Variants in GSAP observed in about 807,000 individuals in gnomAD.
GSAP encodes the protein gamma-secretase-activating protein.
Under a neutral mutation model 131.7 loss-of-function variants are expected in GSAP, and 118 were observed. That is an observed-to-expected ratio of 0.90 (90% CI 0.77 to 1.04). The LOEUF is 1.04. GSAP is among the 50% of genes least tolerant of loss of function. The probability of loss-of-function intolerance (pLI) is 0.00; values close to 1 mark genes in which losing one functional copy is unlikely to be tolerated. For missense variants in GSAP, 1,019 were observed against 1,013.2 expected (o/e 1.01, Z -0.08); for synonymous variants, 381 against 363.4 (o/e 1.05, Z -0.55).
intron 12 of GSAP, among the ~76,000 whole-genome samples, chr7:77,373,043 T>C (rs563178076): frequency 3.1e-4 from 47 of 152,198 alleles, no homozygotes; most frequent in South Asian, 6.2e-4. Flanking sequence ...GGGGGCCATT[T>C]TCAGGACTAA....
Position 77,333,285 on chromosome 7 carries a change from C to G in GSAP, c.1546-2918G>C, listed in dbSNP as rs1040208157. Among the ~76,000 whole-genome samples the G allele has an allele frequency of 5.3e-5, 8 of 152,134 alleles. No homozygotes were observed. In the East Asian group the frequency reaches 1.5e-3, roughly 29 times the overall value. On this transcript the variant is annotated intron_variant, in intron 19 of 30. Transcript: ENST00000257626. ...CAGTGAAGGACAAGGAAAGGATATT[C>G]CAGGTGGGACTCTTTGGGTGTGAGC...
chr7:77,389,205 T>G (rs1404831391), intron 5 of GSAP, among the ~76,000 whole-genome samples: 1 of 151,922 alleles, frequency 6.6e-6, no homozygotes, highest in African/African-American at 2.4e-5. Flanking sequence ...GAACTGACAT[T>G]TTTTTGACCT....
chr7:77,366,678 T>C (rs1795370355), intron 12 of GSAP, among the ~76,000 whole-genome samples: 1 of 152,188 alleles, frequency 6.6e-6, no homozygotes. Flanking sequence ...ATCTCCAGCT[T>C]TGTTCTTTTT....
chr7:77,352,716 A>C (rs1222273759), intron 18 of GSAP, among the ~76,000 whole-genome samples: 1 of 152,222 alleles, frequency 6.6e-6, no homozygotes, highest in Non-Finnish European at 1.5e-5. Context: ...AGAATAATAA[A>C]TACCCTGTGT....
At chr7:77,376,823 T>C in intron 10 of GSAP, 25 bp downstream of exon 10, 5 of 1,157,038 alleles carry the variant, frequency 4.3e-6, no homozygotes, top group Non-Finnish European at 6.3e-6. Flanking sequence ...AACTTTCCTG[T>C]AGTGTGATCA....
At position 77,416,199 on chromosome 7, in the gene GSAP, C is replaced by T; in HGVS notation, c.109+14G>A. On this transcript the variant is annotated intron_variant, in intron 1 of 30. Coordinates refer to ENST00000257626, the MANE Select transcript of GSAP (RefSeq NM_017439.4). Reference sequence around the variant, plus strand: ...TCCCCGCCCCCACCCCTCTCCGCAGCGCGCCTCCCGCACCTGCGCCGCCGC... The same window carrying T: ...TCCCCGCCCCCACCCCTCTCCGCAGTGCGCCTCCCGCACCTGCGCCGCCGC... 7.3e-7 allele frequency: 1 copy of T among 1,362,702 alleles called. No individual in the cohort carries two copies. Among genetic ancestry groups the T allele is most frequent in the Non-Finnish European group, 9.7e-7 (1 of 1,035,520 alleles). 84.4% of individuals were successfully genotyped at this position (1,362,702 alleles called of 1,614,324 possible).
At position 77,369,392 on chromosome 7, in the gene GSAP, C is replaced by G. The variant is rs987042778; in HGVS notation, c.871+4678G>C. 1.3e-5 allele frequency among the ~76,000 whole-genome samples: 2 copies of G among 152,312 alleles called. 1 individual carries two copies. On this transcript the variant is annotated intron_variant, in intron 12 of 30. Transcript: ENST00000257626. ...CAGTGGCAGCAGCACTTTTGCCCAC[C>G]ACCAATCTCATGAGCACGCCCATCC...
Position 77,374,068 on chromosome 7 carries a change from A to T in GSAP, c.871+2T>A. The T allele has an allele frequency of 6.7e-7, 1 of 1,486,544 alleles. No individual in the cohort carries two copies. The highest frequency in any genetic ancestry group is 9.4e-7 in the Non-Finnish European group (1 of 1,069,434). 92.1% of individuals were successfully genotyped at this position (1,486,544 alleles called of 1,614,324 possible). ...AAATTGATAAATACAACCCTAGTTT[A>T]CCTGTATGGTTGGTAAAAACACACA... On this transcript the variant is annotated splice_donor_variant, in intron 12 of 30. Transcript: ENST00000257626. LOFTEE classifies it high-confidence loss of function.
At chr7:77,342,382 C>A (rs1235028648) in intron 19 of GSAP, among the ~76,000 whole-genome samples, 1 of 152,198 alleles carries the variant, frequency 6.6e-6, no homozygotes, top group Non-Finnish European at 1.5e-5. Context: ...TCCCCCAACT[C>A]TGGTGCCAAC....
chr7:77,325,002 G>A (rs1788135516), intron 23 of GSAP, among the ~76,000 whole-genome samples: 1 of 151,942 alleles, frequency 6.6e-6, no homozygotes, highest in Non-Finnish European at 1.5e-5. Context: ...TTTTAGTAGA[G>A]ACGGTGTTTC....
At chr7:77,320,244 A>G (rs1787445030) in intron 26 of GSAP, among the ~76,000 whole-genome samples, 1 of 152,214 alleles carries the variant, frequency 6.6e-6, no homozygotes. Flanking sequence ...CAAATGACCA[A>G]TTAAATGAAT....
chr7:77,352,770 C>T (rs1793068330), intron 18 of GSAP, among the ~76,000 whole-genome samples, 174 bp downstream of exon 18: 1 of 147,116 alleles, frequency 6.8e-6, no homozygotes, highest in South Asian at 2.3e-4. Flanking sequence ...ATACTTTTGG[C>T]CAATAGCAGG....
chr7:77,325,619 G>A (rs1053602985), intron 23 of GSAP, among the ~76,000 whole-genome samples: 1 of 152,192 alleles, frequency 6.6e-6, no homozygotes, highest in Non-Finnish European at 1.5e-5. Context: ...CGCCCAGGAT[G>A]GAGGGCAGTG....
chr7:77,394,763 G>A (rs755687377), intron 5 of GSAP, among the ~76,000 whole-genome samples: 1 of 152,152 alleles, frequency 6.6e-6, no homozygotes, highest in Non-Finnish European at 1.5e-5. Context: ...TGCCACCATT[G>A]GTCATGGGTT....
chr7:77,406,002 C>A, intron 2 of GSAP, 27 bp downstream of exon 2: 3 of 809,972 alleles, frequency 3.7e-6, no homozygotes, highest in Non-Finnish European at 5.3e-6. Context: ...TTACATCTTA[C>A]CACAATAAAA....
chr7:77,375,858 AC>A (rs369895334), intron 10 of GSAP, among the ~76,000 whole-genome samples: 1,593 of 144,388 alleles, frequency 0.011, 30 homozygotes, highest in African/African-American at 0.039. Flanking sequence ...AAAAAAAAAA[AC>A]AAACAAAAAA....
Position 77,326,305 on chromosome 7 carries a change from G to A in GSAP, c.1766-32C>T, listed in dbSNP as rs773383470. On this transcript the variant is annotated intron_variant, in intron 22 of 30. Coordinates refer to ENST00000257626, the MANE Select transcript of GSAP (RefSeq NM_017439.4). The stretch of plus-strand genomic sequence containing the variant: ...TGAAACAGAGCAATAGTTAGGCTCT[G>A]AGCAGTTTTCAGGAGATGGGTTAGA... 1.4e-5 allele frequency: 21 copies of A among 1,533,710 alleles called. No individual in the cohort carries two copies. In the Admixed American group the frequency reaches 3.7e-4, roughly 27 times the overall value.
chr7:77,361,215 C>G (rs971108721), intron 13 of GSAP, among the ~76,000 whole-genome samples: 4 of 152,186 alleles, frequency 2.6e-5, no homozygotes, highest in African/African-American at 9.6e-5. Flanking sequence ...GACCACATGG[C>G]TCATTGGCCC....
chr7:77,406,887 C>T (rs1290191991), intron 1 of GSAP, among the ~76,000 whole-genome samples: 1 of 152,228 alleles, frequency 6.6e-6, no homozygotes, highest in Non-Finnish European at 1.5e-5. Context: ...CGAAGCTCCC[C>T]TCTCCCCGCT....
Sources: allele counts gnomAD v4.1 joint callset (sites outside exome capture counted in the v4.1 genomes callset), GRCh38; gene constraint gnomAD v4.1.1; transcripts MANE v1.5; gene names NCBI Gene and HGNC (gene_info 2026-07-23, HGNC 2026-07-21).